Variants in GRIN2B observed in about 807,000 individuals in gnomAD.
GRIN2B encodes the protein glutamate ionotropic receptor NMDA type subunit 2B, also known as glutamate receptor ionotropic, NMDA 2B.
In GRIN2B, 5 loss-of-function variants were observed where a neutral mutation model predicts 114.5. The observed-to-expected ratio is 0.04, with a 90% CI of 0.02 to 0.09. GRIN2B has a LOEUF of 0.09. GRIN2B is among the 10% of genes least tolerant of loss of function. The probability of loss-of-function intolerance (pLI) is 1.00; values close to 1 mark genes in which losing one functional copy is unlikely to be tolerated. For synonymous variants in GRIN2B, 787 were observed against 745.1 expected, an observed-to-expected ratio of 1.06 and a Z score of -0.92; for missense variants, 1,108 against 1,943.5, an observed-to-expected ratio of 0.57 and a Z score of 8.08.
At chr12:13,762,379 C>T (rs1256789414) in intron 3 of GRIN2B, among the ~76,000 whole-genome samples, 2 of 152,056 alleles carry the variant, frequency 1.3e-5, no homozygotes, top group Non-Finnish European at 2.9e-5. Flanking sequence ...TAACTTAAGC[C>T]GAAAGGACAG....
intron 4 of GRIN2B, among the ~76,000 whole-genome samples, chr12:13,733,775 A>C (rs1423495918): frequency 6.6e-6 from 1 of 152,184 alleles, no homozygotes. Flanking sequence ...ATAGAAGTTC[A>C]ATACCTCATA....
intron 2 of GRIN2B, among the ~76,000 whole-genome samples, chr12:13,924,238 C>G (rs1866877303): frequency 6.6e-6 from 1 of 152,120 alleles, no homozygotes; most frequent in Non-Finnish European, 1.5e-5. Context: ...TAGTATCAGT[C>G]AGGGTCCCAA....
intron 5 of GRIN2B, among the ~76,000 whole-genome samples, chr12:13,661,679 T>C (rs1043891988): frequency 2.0e-5 from 3 of 152,158 alleles, no homozygotes; most frequent in Non-Finnish European, 4.4e-5. Context: ...GCTAGGTAGA[T>C]AATTAATGAA....
In GRIN2B at chr12:13,564,182, C is replaced by T; in HGVS notation, c.3056G>A (p.Ser1019Asn). 1 of 1,614,128 alleles carries T rather than the reference C, an allele frequency of 6.2e-7. No homozygotes were observed. Among genetic ancestry groups the T allele is most frequent in the African/African-American group, 1.3e-5 (1 of 75,036 alleles). ...PPFTTQSRSI[S>N]KKPLDIGLPS... Reference sequence around the variant, plus strand: ...GAGGCCGATGTCCAGGGGCTTCTTGCTGATGGACCTGGACTGGGTGGTGAA... The same window carrying T: ...GAGGCCGATGTCCAGGGGCTTCTTGTTGATGGACCTGGACTGGGTGGTGAA... The change falls in exon 14 of 14, where the codon AGC becomes AAC. Residue 1019 changes from serine (S) to asparagine (N), a missense_variant. Around this residue, in one of 19 missense-constraint regions of GRIN2B, gnomAD observed 140 missense variants for 187.5 expected, o/e 0.75. Coordinates refer to ENST00000609686, the MANE Select transcript of GRIN2B (RefSeq NM_000834.5). This position sits in a 1 kb window ranked among gnomAD's most constrained non-coding sequence, Gnocchi z 4.8.
At chr12:13,776,990 G>C (rs1273520586) in intron 3 of GRIN2B, among the ~76,000 whole-genome samples, 1 of 152,092 alleles carries the variant, frequency 6.6e-6, no homozygotes, top group Non-Finnish European at 1.5e-5. Context: ...ATACAGCGGG[G>C]CAGAGCAAGG....
At chr12:13,969,040 G>A (rs1867835721) in intron 2 of GRIN2B, among the ~76,000 whole-genome samples, 1 of 152,208 alleles carries the variant, frequency 6.6e-6, no homozygotes, top group Non-Finnish European at 1.5e-5. Flanking sequence ...GAATGGTAGG[G>A]GTAGGCTAAG....
chr12:13,616,793 T>A, intron 5 of GRIN2B, 136 bp from the exon 6 acceptor site: 1 of 728,674 alleles, frequency 1.4e-6, no homozygotes, highest in Non-Finnish European at 2.5e-6. Flanking sequence ...ATACTAGAGA[T>A]AGGAATACTT....
At chr12:13,630,163 A>G (rs998696633) in intron 5 of GRIN2B, among the ~76,000 whole-genome samples, 4 of 152,234 alleles carry the variant, frequency 2.6e-5, no homozygotes, top group African/African-American at 9.6e-5. Context: ...CATAACAGCA[A>G]GATTTCAAAA....
chr12:13,665,053 A>C (rs1380483563), intron 5 of GRIN2B, among the ~76,000 whole-genome samples: 3 of 152,050 alleles, frequency 2.0e-5, no homozygotes, highest in Non-Finnish European at 4.4e-5. Flanking sequence ...GTAGGTAGTT[A>C]TGGCCTTTGT....
intron 4 of GRIN2B, among the ~76,000 whole-genome samples, chr12:13,707,393 T>G (rs1950370043): frequency 6.6e-6 from 1 of 152,142 alleles, no homozygotes; most frequent in African/African-American, 2.4e-5. Context: ...TCAGTGATAT[T>G]AATCACTATA....
chr12:13,745,854 T>C (rs942604151), intron 4 of GRIN2B, among the ~76,000 whole-genome samples: 1 of 152,118 alleles, frequency 6.6e-6, no homozygotes, highest in African/African-American at 2.4e-5. Flanking sequence ...GGGCCTCGGG[T>C]TCCTTAAAAA....
intron 4 of GRIN2B, among the ~76,000 whole-genome samples, chr12:13,752,712 T>C (rs1462981251): frequency 1.3e-5 from 2 of 152,124 alleles, no homozygotes; most frequent in Non-Finnish European, 2.9e-5. Context: ...TATAGCAGCA[T>C]CCTCACCCTT....
chr12:13,951,374 T>C (rs765382858), intron 2 of GRIN2B, among the ~76,000 whole-genome samples: 99 of 152,150 alleles, frequency 6.5e-4, no homozygotes, highest in Non-Finnish European at 1.1e-3. Flanking sequence ...AGAGCATTCA[T>C]TCCAGGGAAG....
intron 2 of GRIN2B, among the ~76,000 whole-genome samples, chr12:13,880,698 T>G (rs1866058367): frequency 6.6e-6 from 1 of 152,204 alleles, no homozygotes; most frequent in Non-Finnish European, 1.5e-5. Flanking sequence ...CGTTTTCAAT[T>G]GAAATAATAT....
intron 4 of GRIN2B, among the ~76,000 whole-genome samples, chr12:13,748,089 G>A (rs978172148): frequency 2.7e-4 from 41 of 152,112 alleles, no homozygotes; most frequent in African/African-American, 9.7e-4. Context: ...TCAAAGGCTG[G>A]GCCAGGACGA....
At position 13,559,583 on chromosome 12, in the gene GRIN2B, C is replaced by A. The variant is rs1243562702; in HGVS notation, c.*3200G>T. 1 of 152,206 alleles carries A rather than the reference C, an allele frequency of 6.6e-6. No individual in the cohort carries two copies. The highest frequency in any genetic ancestry group is 1.5e-5 in the Non-Finnish European group (1 of 68,036). 9.4% of individuals were successfully genotyped at this position (152,206 alleles called of 1,614,324 possible). A position where few individuals can be genotyped will look rare whatever the true frequency, so the allele number is the denominator to read the frequency against. On this transcript the variant is annotated 3_prime_UTR_variant, in exon 14 of 14. Transcript: ENST00000609686. ...ACCCTCCCACGTCTAAACCTAACTTCAGCAATCTTGCTAAGGGAATCATCT... is the reference window on the plus strand; with the variant it reads ...ACCCTCCCACGTCTAAACCTAACTTAAGCAATCTTGCTAAGGGAATCATCT...
At chr12:13,603,094 C>A (rs1949185546) in intron 10 of GRIN2B, among the ~76,000 whole-genome samples, 1 of 152,158 alleles carries the variant, frequency 6.6e-6, no homozygotes, top group Admixed American at 6.5e-5. Flanking sequence ...CACCATCCAA[C>A]AGTAGCTTAA....
intron 3 of GRIN2B, among the ~76,000 whole-genome samples, chr12:13,828,474 A>T: frequency 6.6e-6 from 1 of 152,272 alleles, no homozygotes; most frequent in Non-Finnish European, 1.5e-5. Flanking sequence ...AACCCAGCGC[A>T]TATTACCGGA....
intron 10 of GRIN2B, among the ~76,000 whole-genome samples, chr12:13,587,411 G>T (rs562487866): frequency 6.0e-5 from 9 of 150,292 alleles, no homozygotes; most frequent in African/African-American, 2.0e-4. Flanking sequence ...AGGCTGGAGT[G>T]CAGTGGCACA....
Sources: allele counts gnomAD v4.1 joint callset (sites outside exome capture counted in the v4.1 genomes callset), GRCh38; gene constraint gnomAD v4.1.1; regional missense constraint gnomAD v4.1.1; non-coding constraint Gnocchi (gnomAD v3.1); transcripts MANE v1.5; gene names NCBI Gene and HGNC (gene_info 2026-07-23, HGNC 2026-07-21).